RGS6: variants seen among roughly 807,000 people sequenced by gnomAD.
RGS6 encodes regulator of G-protein signaling 6.
A neutral mutation model predicts 78.5 loss-of-function variants in RGS6; 30 were observed. That is an observed-to-expected ratio of 0.38 (90% CI 0.29 to 0.52). The LOEUF is 0.52. Among genes scored for constraint, RGS6 ranks in the 20% least tolerant of loss-of-function variants. RGS6 has a pLI of 0.85. For missense variants in RGS6, 495 were observed against 609.7 expected, an observed-to-expected ratio of 0.81 and a Z score of 1.98; for synonymous variants, 206 against 206.0, an observed-to-expected ratio of 1.00 and a Z score of 0.00.
At chr14:72,447,052 G>A (rs117887105) in intron 3 of RGS6, among the ~76,000 whole-genome samples, 29 of 152,282 alleles carry the variant, frequency 1.9e-4, no homozygotes, top group Non-Finnish European at 3.4e-4. Flanking sequence ...GGTGGGAGGA[G>A]GAAGGGAAGG....
intron 2 of RGS6, among the ~76,000 whole-genome samples, chr14:72,196,877 A>G (rs1030328536): frequency 6.6e-6 from 1 of 152,212 alleles, no homozygotes; most frequent in Non-Finnish European, 1.5e-5. Flanking sequence ...TGTTGATGGG[A>G]AACCTGAAGC....
intron 2 of RGS6, among the ~76,000 whole-genome samples, chr14:72,004,947 A>G (rs927575973): frequency 6.6e-6 from 1 of 152,230 alleles, no homozygotes; most frequent in South Asian, 2.1e-4. Context: ...CTACCAATGC[A>G]ATGTAGATAA....
chr14:72,217,490 G>T (rs2045872292), intron 2 of RGS6, among the ~76,000 whole-genome samples: 1 of 152,092 alleles, frequency 6.6e-6, no homozygotes, highest in African/African-American at 2.4e-5. Context: ...TTTGGAGTGG[G>T]CTCAAAGAAT....
intron 1 of RGS6, among the ~76,000 whole-genome samples, chr14:71,936,547 C>T (rs1053192730): frequency 6.6e-6 from 1 of 152,134 alleles, no homozygotes. Flanking sequence ...TGAACCCATA[C>T]ATATCTCCTG....
At chr14:72,465,663 T>G in intron 6 of RGS6, 95 bp from the exon 7 acceptor site, 1 of 668,222 alleles carries the variant, frequency 1.5e-6, no homozygotes, top group Non-Finnish European at 2.6e-6. Flanking sequence ...GATGGATGGG[T>G]GAATGGGTGA....
chr14:72,101,434 A>T (rs1334450907), intron 2 of RGS6, among the ~76,000 whole-genome samples: 1 of 152,158 alleles, frequency 6.6e-6, no homozygotes, highest in East Asian at 1.9e-4. Flanking sequence ...TGCTCAATAG[A>T]TAGTTGTAGA....
intron 3 of RGS6, among the ~76,000 whole-genome samples, chr14:72,375,148 T>A (rs981745475): frequency 1.3e-5 from 2 of 152,156 alleles, no homozygotes; most frequent in African/African-American, 4.8e-5. Context: ...TCTAACCAAA[T>A]TTTGAGAAGT....
At chr14:72,163,702 G>A (rs1270080847) in intron 2 of RGS6, among the ~76,000 whole-genome samples, 1 of 152,126 alleles carries the variant, frequency 6.6e-6, no homozygotes, top group African/African-American at 2.4e-5. Flanking sequence ...GGCCAACGTG[G>A]TGAAACCCCA....
intron 2 of RGS6, among the ~76,000 whole-genome samples, chr14:71,975,164 A>G (rs1200794740): frequency 1.3e-5 from 2 of 152,178 alleles, no homozygotes; most frequent in African/African-American, 4.8e-5. Flanking sequence ...AAAGACAAAA[A>G]GAAAGTCTTT....
At chr14:72,304,522 G>T (rs879702452) in intron 2 of RGS6, among the ~76,000 whole-genome samples, 3 of 152,166 alleles carry the variant, frequency 2.0e-5, no homozygotes, top group African/African-American at 7.2e-5. Flanking sequence ...AAGTCATCTT[G>T]CATCTGAAGG....
At chr14:72,066,666 C>A in intron 2 of RGS6, among the ~76,000 whole-genome samples, 1 of 151,448 alleles carries the variant, frequency 6.6e-6, no homozygotes. Context: ...AAAATAAGAC[C>A]CCAAGGGAGT....
chr14:72,111,055 A>G (rs1394152064), intron 2 of RGS6, among the ~76,000 whole-genome samples: 1 of 152,028 alleles, frequency 6.6e-6, no homozygotes, highest in Non-Finnish European at 1.5e-5. Context: ...TCTGAACTCC[A>G]CTGTCTGCAA....
intron 2 of RGS6, among the ~76,000 whole-genome samples, chr14:71,993,025 C>G (rs1032618306): frequency 6.6e-6 from 1 of 152,072 alleles, no homozygotes; most frequent in Admixed American, 6.5e-5. Context: ...TGCTACATGA[C>G]GTGTTATGAA....
chr14:72,496,049 C>T (rs2096640392), intron 13 of RGS6, among the ~76,000 whole-genome samples: 1 of 152,152 alleles, frequency 6.6e-6, no homozygotes, highest in South Asian at 2.1e-4. Context: ...CACTTTTGCC[C>T]CTTTTCTGGC....
chr14:72,580,759 T>C, the RGS6 span, among the ~76,000 whole-genome samples: 4 of 152,352 alleles, frequency 2.6e-5, no homozygotes, highest in East Asian at 7.7e-4. Flanking sequence ...GCTCTTCAGC[T>C]TCCTACATGG....
intron 2 of RGS6, among the ~76,000 whole-genome samples, chr14:72,021,357 G>A (rs923134070): frequency 2.0e-5 from 3 of 151,926 alleles, no homozygotes; most frequent in Non-Finnish European, 2.9e-5. Context: ...CCAAAGCACT[G>A]GAACACGTAA....
chr14:72,115,510 A>G (rs927301865), intron 2 of RGS6, among the ~76,000 whole-genome samples: 5 of 152,154 alleles, frequency 3.3e-5, no homozygotes, highest in Non-Finnish European at 5.9e-5. Flanking sequence ...GCCCTTCTCC[A>G]TGGAACTCAG....
the RGS6 span, among the ~76,000 whole-genome samples, chr14:71,904,171 C>A: frequency 1.3e-5 from 2 of 152,186 alleles, no homozygotes; most frequent in Non-Finnish European, 2.9e-5. Context: ...GAAGAGCATC[C>A]TGATTTTTTT....
At chr14:72,467,225 C>T (rs1246912489) in intron 7 of RGS6, among the ~76,000 whole-genome samples, 2 of 152,014 alleles carry the variant, frequency 1.3e-5, no homozygotes, top group Admixed American at 1.3e-4. Flanking sequence ...TTTCTTATAC[C>T]TTCTACTTCC....
Sources: allele counts gnomAD v4.1 joint callset (sites outside exome capture counted in the v4.1 genomes callset), GRCh38; gene constraint gnomAD v4.1.1; transcripts MANE v1.5; gene names NCBI Gene and HGNC (gene_info 2026-07-23, HGNC 2026-07-21).